Variants in CSMD1 observed in about 807,000 individuals in gnomAD.
CSMD1 encodes the protein CUB and Sushi multiple domains 1.
A neutral mutation model predicts 417.5 loss-of-function variants in CSMD1; 213 were observed. The ratio of observed to expected loss-of-function variants is 0.51; its 90% confidence interval spans 0.46 to 0.57. The LOEUF (loss-of-function observed/expected upper bound fraction) is 0.57, where lower values mean the gene tolerates loss of function less well. CSMD1 is among the 20% of genes least tolerant of loss of function. The probability of loss-of-function intolerance (pLI) is 0.00; values close to 1 mark genes in which losing one functional copy is unlikely to be tolerated. For synonymous variants in CSMD1, 2,862 were observed against 1,736.8 expected (o/e 1.65, Z -16.11); for missense variants, 6,923 against 4,529.7 (o/e 1.53, Z -15.17).
intron 54 of CSMD1, among the ~76,000 whole-genome samples, chr8:2,984,489 C>T (rs1222876572): frequency 1.3e-5 from 2 of 152,160 alleles, no homozygotes; most frequent in Non-Finnish European, 2.9e-5. Context: ...GCTGTGATTA[C>T]AGGCATCCGC....
intron 3 of CSMD1, among the ~76,000 whole-genome samples, chr8:4,396,044 G>C (rs954115379): frequency 1.3e-5 from 2 of 152,128 alleles, no homozygotes; most frequent in Admixed American, 1.3e-4. Flanking sequence ...GGAGTAGCTA[G>C]CTATAATGTT....
intron 3 of CSMD1, among the ~76,000 whole-genome samples, chr8:4,392,781 A>AAC (rs1803937274): frequency 6.6e-6 from 1 of 151,744 alleles, no homozygotes; most frequent in African/African-American, 2.4e-5. Context: ...CATCCTGGCC[A>AAC]ACATGGTGAA....
At chr8:3,058,496 T>C (rs1481603390) in intron 49 of CSMD1, among the ~76,000 whole-genome samples, 1 of 152,222 alleles carries the variant, frequency 6.6e-6, no homozygotes, top group Non-Finnish European at 1.5e-5. Context: ...TTGGTGCTAA[T>C]TGCTGACAAA....
intron 12 of CSMD1, among the ~76,000 whole-genome samples, chr8:3,411,182 G>A (rs1025355885): frequency 2.0e-5 from 3 of 152,164 alleles, no homozygotes; most frequent in Non-Finnish European, 4.4e-5. Flanking sequence ...AACTTTGGAA[G>A]AGCAGAGGCA....
At chr8:4,079,484 AAATT>A (rs1225215039) in intron 3 of CSMD1, among the ~76,000 whole-genome samples, 1 of 152,248 alleles carries the variant, frequency 6.6e-6, no homozygotes, top group Non-Finnish European at 1.5e-5. Flanking sequence ...TAAAGCATGC[AAATT>A]ATTATTGTGC....
intron 1 of CSMD1, among the ~76,000 whole-genome samples, chr8:4,786,173 A>C (rs138087717): frequency 1.3e-5 from 2 of 152,292 alleles, no homozygotes; most frequent in East Asian, 3.9e-4. Context: ...CTGACAACCC[A>C]CCTGCTCTAC....
At chr8:4,545,332 C>T (rs930576013) in intron 2 of CSMD1, among the ~76,000 whole-genome samples, 1 of 152,184 alleles carries the variant, frequency 6.6e-6, no homozygotes, top group African/African-American at 2.4e-5. Flanking sequence ...AAAAGCCCTT[C>T]ATAAATATTT....
At chr8:4,599,168 G>A (rs961505598) in intron 2 of CSMD1, among the ~76,000 whole-genome samples, 2 of 152,122 alleles carry the variant, frequency 1.3e-5, no homozygotes, top group African/African-American at 4.8e-5. Flanking sequence ...TCTGTAGGGA[G>A]AACTTAAAAC....
intron 1 of CSMD1, among the ~76,000 whole-genome samples, chr8:4,647,235 ATT>A (rs34641878): frequency 0.02 from 2,781 of 139,978 alleles, 35 homozygotes; most frequent in South Asian, 0.036. Flanking sequence ...TGCTGTTTCT[ATT>A]TTTTTTTTTT....
chr8:4,344,144 G>C (rs772696257), intron 3 of CSMD1, among the ~76,000 whole-genome samples: 2 of 152,088 alleles, frequency 1.3e-5, no homozygotes, highest in African/African-American at 4.8e-5. Flanking sequence ...ATTAGCAACT[G>C]AGAAATGCCT....
intron 10 of CSMD1, among the ~76,000 whole-genome samples, chr8:3,536,841 G>C (rs543127834): frequency 6.6e-6 from 1 of 152,118 alleles, no homozygotes; most frequent in East Asian, 1.9e-4. Context: ...TCGGTCCCAC[G>C]GTCCGTGTTC....
Position 3,710,651 on chromosome 8 carries a change from C to T in CSMD1, c.932-2160G>A, listed in dbSNP as rs117177909. 9.2e-5 allele frequency among the ~76,000 whole-genome samples: 14 copies of T among 152,266 alleles called. No homozygotes were observed. In the East Asian group the frequency reaches 2.7e-3, roughly 29 times the overall value. On this transcript the variant is annotated intron_variant, in intron 6 of 69. Transcript: ENST00000635120. ...ACCTGGAGACCATGCCTCTTGGACT[C>T]TACCCCTCAGAGTCCCTGAAACCAT...
intron 3 of CSMD1, among the ~76,000 whole-genome samples, chr8:4,202,696 A>G (rs1799730793): frequency 6.6e-6 from 1 of 152,194 alleles, no homozygotes; most frequent in Admixed American, 6.5e-5. Flanking sequence ...AAGAGGGAGA[A>G]CCACACTAAT....
chr8:4,068,857 C>G, intron 3 of CSMD1, among the ~76,000 whole-genome samples: 1 of 152,034 alleles, frequency 6.6e-6, no homozygotes, highest in East Asian at 1.9e-4. Context: ...TGCAGCTCCA[C>G]CATCTAGTTA....
chr8:3,307,642 A>G (rs1804979724), intron 25 of CSMD1, 53 bp downstream of exon 25: 2 of 1,569,776 alleles, frequency 1.3e-6, no homozygotes, highest in African/African-American at 2.7e-5. Flanking sequence ...TGCTACAAGA[A>G]TAGAAGGCAT....
At chr8:3,268,583 G>T (rs1801610958) in intron 26 of CSMD1, among the ~76,000 whole-genome samples, 1 of 152,022 alleles carries the variant, frequency 6.6e-6, no homozygotes, top group Admixed American at 6.6e-5. Flanking sequence ...ACCGTGCCAG[G>T]CCCAGATGGT....
chr8:3,276,837 C>T (rs1317335140), intron 26 of CSMD1, among the ~76,000 whole-genome samples: 4 of 152,128 alleles, frequency 2.6e-5, no homozygotes, highest in East Asian at 3.9e-4. Context: ...AATTAGCAGA[C>T]ACTTGTTGGA....
At chr8:3,479,761 A>G (rs1817630593) in intron 11 of CSMD1, among the ~76,000 whole-genome samples, 1 of 152,200 alleles carries the variant, frequency 6.6e-6, no homozygotes, top group South Asian at 2.1e-4. Flanking sequence ...ATGATGAAAG[A>G]CAATCAACCA....
At chr8:3,740,888 T>C (rs1584930094) in intron 6 of CSMD1, among the ~76,000 whole-genome samples, 1 of 152,140 alleles carries the variant, frequency 6.6e-6, no homozygotes, top group South Asian at 2.1e-4. Flanking sequence ...ACTCAGCTTC[T>C]GTGCCCAGGG....
Sources: allele counts gnomAD v4.1 joint callset (sites outside exome capture counted in the v4.1 genomes callset), GRCh38; gene constraint gnomAD v4.1.1; transcripts MANE v1.5; gene names NCBI Gene and HGNC (gene_info 2026-07-23, HGNC 2026-07-21).